PHACTR1: variants seen among roughly 807,000 people sequenced by gnomAD.
PHACTR1 encodes the protein RPEL repeat containing 1.
PHACTR1 carries 16 observed loss-of-function variants against 69.2 expected under a neutral mutation model. The observed-to-expected ratio is 0.23, with a 90% CI of 0.16 to 0.35. PHACTR1 has a LOEUF of 0.35. PHACTR1 is among the 10% of genes least tolerant of loss of function. The pLI is 1.00. For synonymous variants in PHACTR1, 312 were observed against 284.5 expected (o/e 1.10, Z -0.97); for missense variants, 510 against 734.7 (o/e 0.69, Z 3.54).
chr6:12,794,729 TC>T (rs1403720505), intron 4 of PHACTR1, among the ~76,000 whole-genome samples: 1 of 152,166 alleles, frequency 6.6e-6, no homozygotes, highest in Non-Finnish European at 1.5e-5. Context: ...TGGCCACCTT[TC>T]AAATGCTCAG....
chr6:12,924,933 A>T, intron 4 of PHACTR1, among the ~76,000 whole-genome samples: 1 of 152,158 alleles, frequency 6.6e-6, no homozygotes, highest in East Asian at 1.9e-4. Context: ...TTTTCAACTC[A>T]TTTCATTAGC....
At chr6:13,207,058 CACAT>C (rs779322168) in intron 8 of PHACTR1, among the ~76,000 whole-genome samples, 175 of 152,288 alleles carry the variant, frequency 1.1e-3, no homozygotes, top group Admixed American at 2.4e-3. Context: ...TACACACACA[CACAT>C]GCATGCACAC....
chr6:13,252,748 C>T (rs1182082785), intron 10 of PHACTR1, among the ~76,000 whole-genome samples: 3 of 152,062 alleles, frequency 2.0e-5, no homozygotes, highest in Non-Finnish European at 2.9e-5. Flanking sequence ...TATCTATATT[C>T]ATACCATTCC....
At chr6:13,199,042 G>A (rs924307821) in intron 7 of PHACTR1, among the ~76,000 whole-genome samples, 2 of 152,088 alleles carry the variant, frequency 1.3e-5, no homozygotes, top group East Asian at 1.9e-4. Flanking sequence ...GGTGAGGCCC[G>A]GGAATCTGCC....
chr6:13,157,487 G>A (rs929765724), intron 5 of PHACTR1, among the ~76,000 whole-genome samples: 1 of 152,196 alleles, frequency 6.6e-6, no homozygotes, highest in African/African-American at 2.4e-5. Flanking sequence ...TTTGACCATG[G>A]ACAGCAGATC....
intron 7 of PHACTR1, among the ~76,000 whole-genome samples, chr6:13,197,408 G>C (rs545500624): frequency 6.6e-5 from 10 of 152,252 alleles, no homozygotes; most frequent in Non-Finnish European, 1.5e-5. Flanking sequence ...TCTCATTACA[G>C]ATCTATACTC....
intron 4 of PHACTR1, among the ~76,000 whole-genome samples, chr6:12,998,823 A>T (rs1327887931): frequency 6.6e-6 from 1 of 152,180 alleles, no homozygotes; most frequent in Non-Finnish European, 1.5e-5. Context: ...TGAGAAAAAA[A>T]AATCAATAAA....
intron 4 of PHACTR1, among the ~76,000 whole-genome samples, chr6:12,792,390 G>C (rs568611325): frequency 6.8e-6 from 1 of 147,934 alleles, no homozygotes; most frequent in South Asian, 2.1e-4. Context: ...CTTGAACCCG[G>C]GAGGCGGAGG....
chr6:13,228,395 C>T (rs1021298250), intron 9 of PHACTR1, among the ~76,000 whole-genome samples: 50 of 152,192 alleles, frequency 3.3e-4, no homozygotes, highest in African/African-American at 1.2e-3. Context: ...AAGTTTAAAA[C>T]TCTGTCCCTG....
chr6:12,812,060 C>T (rs536151268), intron 4 of PHACTR1, among the ~76,000 whole-genome samples: 2 of 152,122 alleles, frequency 1.3e-5, no homozygotes, highest in East Asian at 3.9e-4. Flanking sequence ...AGCATTTTGT[C>T]CATTCACAGT....
chr6:13,191,733 G>A (rs1211798589), intron 7 of PHACTR1, among the ~76,000 whole-genome samples: 2 of 151,874 alleles, frequency 1.3e-5, no homozygotes, highest in East Asian at 3.8e-4. Flanking sequence ...AGCCCCAGGA[G>A]GGACAGTCTC....
At chr6:12,745,160 G>A (rs1283971562) in intron 3 of PHACTR1, among the ~76,000 whole-genome samples, 1 of 152,008 alleles carries the variant, frequency 6.6e-6, no homozygotes, top group Non-Finnish European at 1.5e-5. Flanking sequence ...TTCTTAATGG[G>A]GATGGAATAT....
intron 4 of PHACTR1, among the ~76,000 whole-genome samples, chr6:12,822,119 G>T (rs1776292404): frequency 6.6e-6 from 1 of 152,214 alleles, no homozygotes; most frequent in Non-Finnish European, 1.5e-5. Flanking sequence ...GAGGACACAG[G>T]TCTGGAAATA....
chr6:12,791,912 T>C (rs1438882303), intron 4 of PHACTR1, among the ~76,000 whole-genome samples: 1 of 152,136 alleles, frequency 6.6e-6, no homozygotes, highest in Admixed American at 6.5e-5. Context: ...TGTTTCATAA[T>C]ATGAGGTTGG....
At chr6:12,906,949 G>A (rs1785801481) in intron 4 of PHACTR1, among the ~76,000 whole-genome samples, 1 of 152,172 alleles carries the variant, frequency 6.6e-6, no homozygotes. Flanking sequence ...GAGGCACAGA[G>A]TAGTTCCCTG....
At chr6:12,787,356 C>A (rs922257305) in intron 4 of PHACTR1, among the ~76,000 whole-genome samples, 2 of 152,180 alleles carry the variant, frequency 1.3e-5, no homozygotes, top group African/African-American at 2.4e-5. Flanking sequence ...CACAGTTAAA[C>A]CCTATCCATA....
chr6:12,841,952 A>G (rs1778742397), intron 4 of PHACTR1, among the ~76,000 whole-genome samples: 1 of 152,188 alleles, frequency 6.6e-6, no homozygotes, highest in African/African-American at 2.4e-5. Flanking sequence ...GCCCTTTAGA[A>G]TCTTTTGATC....
At chr6:13,176,460 A>G (rs191816735) in intron 6 of PHACTR1, among the ~76,000 whole-genome samples, 1 of 152,184 alleles carries the variant, frequency 6.6e-6, no homozygotes, top group African/African-American at 2.4e-5. Context: ...CTGGGACTTG[A>G]TTTTTTATTT....
intron 4 of PHACTR1, chr6:12,933,636 T>A (rs1435679298): frequency 1.2e-6 from 2 of 1,612,708 alleles, no homozygotes; most frequent in Non-Finnish European, 1.7e-6. Flanking sequence ...TGTCCAGGCG[T>A]TTCCCTTTTT....
Sources: allele counts gnomAD v4.1 joint callset (sites outside exome capture counted in the v4.1 genomes callset), GRCh38; gene constraint gnomAD v4.1.1; transcripts MANE v1.5; gene names NCBI Gene and HGNC (gene_info 2026-07-23, HGNC 2026-07-21).